Variants in ZNF175 observed in about 807,000 individuals in gnomAD.
The protein encoded by ZNF175 is zinc finger protein OTK18.
In ZNF175, 8 loss-of-function variants were observed where a neutral mutation model predicts 14.0. That is an observed-to-expected ratio of 0.57 (90% CI 0.34 to 1.03). The LOEUF is 1.03. ZNF175 is among the 50% of genes least tolerant of loss of function. The probability of loss-of-function intolerance (pLI) is 0.03; values close to 1 mark genes in which losing one functional copy is unlikely to be tolerated. For missense variants in ZNF175, 764 were observed against 849.5 expected (o/e 0.90, Z 1.25); for synonymous variants, 255 against 296.8 (o/e 0.86, Z 1.45).
At chr19:51,585,588 C>G (rs1161163663) in intron 4 of ZNF175, among the ~76,000 whole-genome samples, 1 of 151,930 alleles carries the variant, frequency 6.6e-6, no homozygotes, top group African/African-American at 2.4e-5. Context: ...GTTTAAGTGA[C>G]TGAAAGCGAA....
intron 1 of ZNF175, among the ~76,000 whole-genome samples, chr19:51,572,132 A>G (rs761250271): frequency 5.3e-5 from 8 of 152,172 alleles, no homozygotes; most frequent in Non-Finnish European, 1.0e-4. Flanking sequence ...TTGGACCCCT[A>G]TGTTGGGGAT....
rs1322660243 is a variant in ZNF175, at chr19:51,589,624, T to C, written c.*1157T>C. 2.9e-6 allele frequency: 2 copies of C among 698,366 alleles called. No individual in the cohort carries two copies. Among genetic ancestry groups the C allele is most frequent in the Non-Finnish European group, 5.2e-6 (2 of 383,744 alleles). 43.3% of individuals were successfully genotyped at this position (698,366 alleles called of 1,614,324 possible). ...CTCCATAATTAGTGCCAACCATTAG[T>C]CTCGTTCATATTTTTACACCAGGAG... On this transcript the variant is annotated 3_prime_UTR_variant, in exon 5 of 5. Coordinates refer to ENST00000262259, the MANE Select transcript of ZNF175 (RefSeq NM_007147.4).
chr19:51,577,830 A>AT (rs1271269286), intron 2 of ZNF175, among the ~76,000 whole-genome samples: 4 of 151,416 alleles, frequency 2.6e-5, no homozygotes, highest in Admixed American at 6.6e-5. Flanking sequence ...CACCAAGCTA[A>AT]TTTTTTGTAT....
chr19:51,577,399 G>A (rs889699528), intron 2 of ZNF175, among the ~76,000 whole-genome samples: 12 of 151,772 alleles, frequency 7.9e-5, no homozygotes, highest in African/African-American at 2.9e-4. Flanking sequence ...CTATTTCTTT[G>A]GTTTTGGACC....
chr19:51,576,253 C>A (rs7251300), intron 2 of ZNF175, among the ~76,000 whole-genome samples: 1 of 151,180 alleles, frequency 6.6e-6, no homozygotes, highest in African/African-American at 2.4e-5. Context: ...GGGTTCAAGC[C>A]ATTCTCCTGC....
intron 4 of ZNF175, among the ~76,000 whole-genome samples, chr19:51,582,151 T>G (rs1268027090): frequency 6.6e-6 from 1 of 152,258 alleles, no homozygotes; most frequent in East Asian, 1.9e-4. Flanking sequence ...ATTGCTCTTC[T>G]GATGGGCTGC....
intron 2 of ZNF175, chr19:51,573,789 C>CGT (rs1981678886): frequency 3.1e-6 from 1 of 325,034 alleles, no homozygotes; most frequent in African/African-American, 2.1e-5. Flanking sequence ...GGGTTTGGCC[C>CGT]GTTTTTCCTC....
chr19:51,589,767 G>A lies in ZNF175; in HGVS notation c.*1300G>A. Reference sequence around the variant, plus strand: ...GTATTGTCTGGGCTTCTTTTGTGCTGCACTGGCAGAATTGAGTAGTTTTGG... The same window carrying A: ...GTATTGTCTGGGCTTCTTTTGTGCTACACTGGCAGAATTGAGTAGTTTTGG... On this transcript the variant is annotated 3_prime_UTR_variant, in exon 5 of 5. Coordinates refer to ENST00000262259, the MANE Select transcript of ZNF175 (RefSeq NM_007147.4). 4 of 576,212 alleles carry A rather than the reference G, an allele frequency of 6.9e-6. No homozygotes were observed. In the South Asian group the frequency reaches 9.2e-5, roughly 13 times the overall value. 35.7% of individuals were successfully genotyped at this position (576,212 alleles called of 1,614,324 possible). A position where few individuals can be genotyped will look rare whatever the true frequency, so the allele number is the denominator to read the frequency against.
chr19:51,589,253 C>T lies in ZNF175; in HGVS notation c.*786C>T. 2.5e-6 allele frequency: 1 copy of T among 399,546 alleles called. No homozygotes were observed. The highest frequency in any genetic ancestry group is 4.4e-6 in the Non-Finnish European group (1 of 227,136). The allele number at this position is 399,546 out of a possible 1,614,324, so 24.8% of individuals were successfully genotyped here. ...AGACATATGTATATGGTCTGGTCAGCATATGTGTATGTATGCGTATGTATG... is the reference window on the plus strand; with the variant it reads ...AGACATATGTATATGGTCTGGTCAGTATATGTGTATGTATGCGTATGTATG... On this transcript the variant is annotated 3_prime_UTR_variant, in exon 5 of 5. Transcript: ENST00000262259.
At chr19:51,581,586 A>C in intron 3 of ZNF175, 69 bp downstream of exon 3, 2 of 1,564,402 alleles carry the variant, frequency 1.3e-6, no homozygotes, top group Admixed American at 3.7e-5. Context: ...CTCATTGCAG[A>C]ACGCAGTGGG....
Position 51,580,038 on chromosome 19 carries a change from GATA to G in ZNF175, c.73-1350_73-1348del, listed in dbSNP as rs142693628. Among the ~76,000 whole-genome samples, 837 of 151,974 alleles carry G rather than the reference GATA, an allele frequency of 5.5e-3. 26 individuals are homozygous for G. In the East Asian group the frequency reaches 0.078, roughly 14 times the overall value. On this transcript the variant is annotated intron_variant, in intron 2 of 4. Coordinates refer to ENST00000262259, the MANE Select transcript of ZNF175 (RefSeq NM_007147.4). ...ATATTAAAATATTACATATAGAAAT[GATA>G]ATGTTTTGAATATAATGGATTAAGT...
chr19:51,572,012 G>T (rs1981603043), intron 1 of ZNF175, among the ~76,000 whole-genome samples: 1 of 152,186 alleles, frequency 6.6e-6, no homozygotes, highest in Non-Finnish European at 1.5e-5. Flanking sequence ...GTCCTTCAGG[G>T]ATTGGTGGGT....
rs1369787943 is a variant in ZNF175 at position 51,590,326 on chromosome 19, T to C, written c.*1859T>C. The C allele has an allele frequency of 6.6e-6, 1 of 152,144 alleles. No homozygotes were observed. Among genetic ancestry groups the C allele is most frequent in the Non-Finnish European group, 1.5e-5 (1 of 68,086 alleles). 9.4% of individuals were successfully genotyped at this position (152,144 alleles called of 1,614,324 possible). On this transcript the variant is annotated 3_prime_UTR_variant, in exon 5 of 5. Coordinates refer to ENST00000262259, the MANE Select transcript of ZNF175 (RefSeq NM_007147.4). ...ATGATAGTACCCTACCCCCATGCAT[T>C]TGGTGTGAGAAGTGTGTGTGTGTTA...
rs1982305986 is a variant in ZNF175, at chr19:51,590,029, G to A, written c.*1562G>A. Reference sequence around the variant, plus strand: ...AATCCATGATGGATTGTACACACGTGTATTCTATGAGGTTGACCTGCCATA... The same window carrying A: ...AATCCATGATGGATTGTACACACGTATATTCTATGAGGTTGACCTGCCATA... On this transcript the variant is annotated 3_prime_UTR_variant, in exon 5 of 5. Transcript: ENST00000262259. 1 of 159,418 alleles carries A rather than the reference G, an allele frequency of 6.3e-6. No individual in the cohort carries two copies. The highest frequency in any genetic ancestry group is 2.4e-5 in the African/African-American group (1 of 41,584). 9.9% of individuals were successfully genotyped at this position (159,418 alleles called of 1,614,324 possible).
At position 51,586,752 on chromosome 19, in the gene ZNF175, G is replaced by A. The variant is rs1982175631; in HGVS notation, c.421G>A (p.Asp141Asn). The A allele has an allele frequency of 6.2e-7, 1 of 1,614,068 alleles. No individual in the cohort carries two copies. Among genetic ancestry groups the A allele is most frequent in the Non-Finnish European group, 8.5e-7 (1 of 1,180,032 alleles). Reference sequence around the variant, plus strand: ...TTCCATTTTAGAAGAACTGAGGCTGGATGCTGACCGCACAAAGAAAGATGA... The same window carrying A: ...TTCCATTTTAGAAGAACTGAGGCTGAATGCTGACCGCACAAAGAAAGATGA... ...WCSILEELRLDADRTKKDEQN... is the reference protein window; with the variant it reads ...WCSILEELRLNADRTKKDEQN... Residue 141 changes from aspartate (D) to asparagine (N), a missense_variant, in exon 5 of 5, where the codon GAT (aspartate) becomes AAT (asparagine). Asp to Asn is a conservative substitution (Grantham distance 23). Transcript: ENST00000262259.
Position 51,587,674 on chromosome 19 carries a change from T to C in ZNF175, c.1343T>C (p.Val448Ala). ...QRIHSGQKSY[V>A]CIECGQAFIQ... ...ATCCACTCAGGGCAGAAGTCCTATG[T>C]GTGTATCGAATGCGGGCAGGCCTTC... Residue 448 changes from valine to alanine, a missense_variant, in exon 5 of 5, where the codon GTG becomes GCG. Transcript: ENST00000262259. The C allele has an allele frequency of 1.2e-6, 2 of 1,613,944 alleles. No homozygotes were observed. The highest frequency in any genetic ancestry group is 1.7e-6 in the Non-Finnish European group (2 of 1,179,986).
Position 51,588,107 on chromosome 19 carries a change from T to C in ZNF175, c.1776T>C (p.Cys592=). The C allele has an allele frequency of 6.2e-7, 1 of 1,614,188 alleles. No individual in the cohort carries two copies. The highest frequency in any genetic ancestry group is 8.5e-7 in the Non-Finnish European group (1 of 1,180,024). The change falls in exon 5 of 5, where the codon TGT becomes TGC. Residue 592 remains cysteine, a synonymous_variant. Transcript: ENST00000262259. ...AGAAACCCTATGTGTGCACTGAATG[T>C]GGGAAGGCCTTCAACGGCAGGTCAA... ...TGEKPYVCTE[C]GKAFNGRSNF... is the part of the protein sequence containing the mutation.
chr19:51,572,839 T>C (rs565996367), intron 1 of ZNF175, among the ~76,000 whole-genome samples: 60 of 152,236 alleles, frequency 3.9e-4, no homozygotes, highest in Non-Finnish European at 7.1e-4. Context: ...AGGCAGGCAC[T>C]GAGGACTTGA....
rs1198984279 is a variant in ZNF175, at chr19:51,588,540, A to C, written c.*73A>C. The C allele has an allele frequency of 1.4e-6, 2 of 1,454,764 alleles. No individual in the cohort carries two copies. Among genetic ancestry groups the C allele is most frequent in the Non-Finnish European group, 1.8e-6 (2 of 1,098,780 alleles). 90.1% of individuals were successfully genotyped at this position (1,454,764 alleles called of 1,614,324 possible). The stretch of plus-strand genomic sequence containing the variant: ...CTTGAAGAAGAGAAAATCTTCTCAG[A>C]ATCAGGTCTAATTATATGTTATTGA... On this transcript the variant is annotated 3_prime_UTR_variant, in exon 5 of 5. Coordinates refer to ENST00000262259, the MANE Select transcript of ZNF175 (RefSeq NM_007147.4).
Sources: gnomAD v4.1 joint callset for allele counts (sites outside exome capture counted in the v4.1 genomes callset) on GRCh38, gnomAD v4.1.1 for gene constraint, MANE v1.5 for transcripts, NCBI Gene and HGNC (gene_info 2026-07-23, HGNC 2026-07-21) for gene names.